SPG7: variants seen among roughly 807,000 people sequenced by gnomAD.
SPG7 encodes mitochondrial inner membrane m-AAA protease component paraplegin.
Under a neutral mutation model 81.9 loss-of-function variants are expected in SPG7, and 103 were observed. The observed-to-expected ratio is 1.26, with a 90% CI of 1.07 to 1.48. The LOEUF (loss-of-function observed/expected upper bound fraction) is 1.48, where lower values mean the gene tolerates loss of function less well. SPG7 is among the 40% of genes most tolerant of loss of function. The pLI is 0.00. For missense variants in SPG7, 1,241 were observed against 1,087.3 expected, an observed-to-expected ratio of 1.14 and a Z score of -1.99; for synonymous variants, 534 against 444.2, an observed-to-expected ratio of 1.20 and a Z score of -2.54.
chr16:89,541,317 C>T (rs1366592417), intron 9 of SPG7: 1 of 985,160 alleles, frequency 1.0e-6, no homozygotes, highest in Non-Finnish European at 1.2e-6. Flanking sequence ...AGGAAACTTT[C>T]TTCCTGCAGC....
In SPG7 at chr16:89,537,600, T is replaced by C. The variant is rs1323736981; in HGVS notation, c.1324+4964T>C. On this transcript the variant is annotated intron_variant, in intron 9 of 16. Transcript: ENST00000645818. Reference sequence around the variant, plus strand: ...AGGCTGGAGTGCAGTGCCACCATCATAGCTCACTGCAGCCTCCACCTCCTA... The same window carrying C: ...AGGCTGGAGTGCAGTGCCACCATCACAGCTCACTGCAGCCTCCACCTCCTA... 1.5e-5 allele frequency: 14 copies of C among 936,390 alleles called. No homozygotes were observed. In the South Asian group the frequency reaches 6.3e-4, roughly 42 times the overall value. 58.0% of individuals were successfully genotyped at this position (936,390 alleles called of 1,614,324 possible). A position where few individuals can be genotyped will look rare whatever the true frequency, so the allele number is the denominator to read the frequency against.
At chr16:89,536,599 TGAGGTGAGGTGGGTGAGGC>T (rs1379392734) in intron 9 of SPG7, among the ~76,000 whole-genome samples, 25 of 83,338 alleles carry the variant, frequency 3.0e-4, no homozygotes, top group Admixed American at 6.5e-4. Context: ...GTGAGGCAGG[TGAGGTGAGGTGGGTGAGGC>T]GGGTGAGGGC....
At chr16:89,544,189 G>T in intron 9 of SPG7, 1 of 256,980 alleles carries the variant, frequency 3.9e-6, no homozygotes, top group Non-Finnish European at 7.7e-6. Context: ...TAAATTCTCC[G>T]ATGACAAACG....
Position 89,531,927 on chromosome 16 carries a change from T to G in SPG7, c.1011T>G (p.Leu337=). The change falls in exon 8 of 17, where the codon CTT becomes CTG. Residue 337 remains leucine (L), a synonymous_variant. Coordinates refer to ENST00000645818, the MANE Select transcript of SPG7 (RefSeq NM_003119.4). ...AGAGCCCAGAACGCTTCCTCCAGCT[T>G]GGCGCCAAGGTCCCAAAGGGCGCAC... ...YLKSPERFLQ[L]GAKVPKGALL... 1.2e-6 allele frequency: 2 copies of G among 1,614,112 alleles called. No homozygotes were observed. Among genetic ancestry groups the G allele is most frequent in the Non-Finnish European group, 1.7e-6 (2 of 1,179,972 alleles).
At chr16:89,544,578 G>C (rs983240668) in intron 9 of SPG7, 70 bp from the exon 10 acceptor site, 4 of 1,585,780 alleles carry the variant, frequency 2.5e-6, no homozygotes, top group Non-Finnish European at 3.5e-6. Flanking sequence ...TCCTGAAGGG[G>C]AACCTGCAGG....
At chr16:89,528,471 A>C (rs1390896431) in intron 5 of SPG7, among the ~76,000 whole-genome samples, 1 of 150,318 alleles carries the variant, frequency 6.7e-6, no homozygotes, top group Non-Finnish European at 1.5e-5. Flanking sequence ...GATGATGTAC[A>C]GAACAGAAGA....
chr16:89,553,413 G>A, intron 14 of SPG7: 1 of 533,712 alleles, frequency 1.9e-6, no homozygotes, highest in South Asian at 2.1e-5. Flanking sequence ...TAAAATTGAA[G>A]CGGCTTCATT....
intron 6 of SPG7, 173 bp downstream of exon 6, chr16:89,529,752 T>C (rs945130676): frequency 3.0e-6 from 2 of 676,704 alleles, no homozygotes; most frequent in Non-Finnish European, 5.4e-6. Context: ...GTAAGGCGTG[T>C]AGTAACCAAT....
chr16:89,529,443 C>T, intron 5 of SPG7, 34 bp from the exon 6 acceptor site: 1 of 1,448,422 alleles, frequency 6.9e-7, no homozygotes, highest in Non-Finnish European at 9.7e-7. Flanking sequence ...GTGACACCGT[C>T]TGAGCCTGTG....
intron 3 of SPG7, chr16:89,519,981 G>C (rs2058163352): frequency 6.6e-6 from 1 of 152,258 alleles, no homozygotes; most frequent in South Asian, 2.1e-4. Flanking sequence ...CTCGAAGAGG[G>C]ATTTTGGCAA....
At chr16:89,532,772 G>GAA (rs11403793) in intron 9 of SPG7, 136 bp downstream of exon 9, 28,147 of 785,986 alleles carry the variant, frequency 0.036, no homozygotes, top group East Asian at 0.088. Context: ...TCTGTCTCAA[G>GAA]AAAAAAAAAA....
intron 10 of SPG7, 69 bp downstream of exon 10, chr16:89,544,841 C>T: frequency 6.3e-7 from 1 of 1,587,256 alleles, no homozygotes; most frequent in Admixed American, 1.7e-5. Flanking sequence ...GTGGTCTGGC[C>T]TCTCCTCTAA....
In SPG7 at chr16:89,546,665, G is replaced by C; in HGVS notation, c.1457G>C (p.Arg486Pro). 6.2e-7 allele frequency: 1 copy of C among 1,611,094 alleles called. No individual in the cohort carries two copies. The highest frequency in any genetic ancestry group is 1.1e-5 in the South Asian group (1 of 91,028). ...CTCCCCTGGTTCTGGCAGGAGAGGC[G>C]GGAGATTTTTGAGCAGCACCTGAAG... ...FIDLPTLQER[R>P]EIFEQHLKSL... Residue 486 changes from arginine to proline, a missense_variant, in exon 11 of 17, where the codon CGG (arginine) becomes CCG (proline). Arg to Pro is a moderately radical substitution (Grantham distance 103). Coordinates refer to ENST00000645818, the MANE Select transcript of SPG7 (RefSeq NM_003119.4).
intron 3 of SPG7, chr16:89,518,046 A>G (rs989369576): frequency 1.3e-5 from 2 of 152,250 alleles, no homozygotes; most frequent in South Asian, 2.1e-4. Flanking sequence ...GTGAGAACCT[A>G]TTCTGGGTTT....
intron 5 of SPG7, among the ~76,000 whole-genome samples, chr16:89,528,358 G>C (rs1324756361): frequency 1.3e-5 from 2 of 149,376 alleles, no homozygotes; most frequent in Admixed American, 6.7e-5. Flanking sequence ...CACCACTGCA[G>C]TCTGGCCTGG....
intron 9 of SPG7, among the ~76,000 whole-genome samples, chr16:89,534,284 C>G (rs1172127596): frequency 1.3e-5 from 2 of 152,180 alleles, no homozygotes; most frequent in African/African-American, 4.8e-5. Flanking sequence ...CGCCTTCTTT[C>G]AAGCACATAA....
At position 89,554,517 on chromosome 16, in the gene SPG7, G is replaced by T; in HGVS notation, c.2135G>T (p.Arg712Ile). Residue 712 changes from arginine (R) to isoleucine (I), a missense_variant, in exon 16 of 17, where the codon AGA becomes ATA. Coordinates refer to ENST00000645818, the MANE Select transcript of SPG7 (RefSeq NM_003119.4). ...AGACTGCTGGTGGCCAAGGCCTACA[G>T]ACACACCGAGAAGGTGCTGCAGGAC... The part of the protein sequence containing the change: ...EARLLVAKAY[R>I]HTEKVLQDNL... The T allele has an allele frequency of 6.2e-7, 1 of 1,609,568 alleles. No individual in the cohort carries two copies.
intron 7 of SPG7, chr16:89,531,697 T>C: frequency 1.7e-6 from 1 of 594,122 alleles, no homozygotes; most frequent in Non-Finnish European, 3.0e-6. Flanking sequence ...TAAAAGTAGC[T>C]GGGCGTGGTG....
chr16:89,536,860 C>A, intron 9 of SPG7: 1 of 1,614,134 alleles, frequency 6.2e-7, no homozygotes, highest in Non-Finnish European at 8.5e-7. Flanking sequence ...CACAGGGTCA[C>A]GGAGGGCAAT....
Sources: allele counts gnomAD v4.1 joint callset (sites outside exome capture counted in the v4.1 genomes callset), GRCh38; gene constraint gnomAD v4.1.1; transcripts MANE v1.5; gene names NCBI Gene and HGNC (gene_info 2026-07-23, HGNC 2026-07-21).